The following CD244 variants were observed in gnomAD, a reference collection of about 807,000 sequenced individuals.
CD244 encodes the protein CD244 molecule, also known as natural killer cell receptor 2B4.
In CD244, 20 loss-of-function variants were observed where a neutral mutation model predicts 45.5. That is an observed-to-expected ratio of 0.44 (90% CI 0.31 to 0.64). The LOEUF (loss-of-function observed/expected upper bound fraction) is 0.64, where lower values mean the gene tolerates loss of function less well. Among genes scored for constraint, CD244 ranks in the 30% least tolerant of loss-of-function variants. The probability of loss-of-function intolerance (pLI) is 0.08; values close to 1 mark genes in which losing one functional copy is unlikely to be tolerated. For missense variants in CD244, 407 were observed against 426.9 expected (o/e 0.95, Z 0.41); for synonymous variants, 185 against 160.5 (o/e 1.15, Z -1.15).
chr1:160,835,697 G>A (rs1339413082), intron 6 of CD244, among the ~76,000 whole-genome samples: 1 of 151,390 alleles, frequency 6.6e-6, no homozygotes, highest in Non-Finnish European at 1.5e-5. Flanking sequence ...AAAAACCTAT[G>A]GAAATAAAAA....
chr1:160,843,444 T>C (rs1383307258), intron 1 of CD244, among the ~76,000 whole-genome samples: 1 of 152,198 alleles, frequency 6.6e-6, no homozygotes, highest in Admixed American at 6.5e-5. Context: ...GGAGGACATA[T>C]ACTGTCTTCA....
intron 3 of CD244, among the ~76,000 whole-genome samples, chr1:160,840,772 A>G (rs1669512653): frequency 6.6e-6 from 1 of 152,194 alleles, no homozygotes; most frequent in Non-Finnish European, 1.5e-5. Context: ...GAACTCATCT[A>G]GGTATCCCTG....
chr1:160,838,625 T>C (rs1352779884), intron 4 of CD244, 107 bp from the exon 5 acceptor site: 4 of 829,700 alleles, frequency 4.8e-6, no homozygotes, highest in Non-Finnish European at 8.3e-6. Context: ...TAAAAAAGGT[T>C]CTAGAAAGGA....
At position 160,841,610 on chromosome 1, in the gene CD244, G is replaced by C. The variant is rs764302616; in HGVS notation, c.353C>G (p.Thr118Arg). 2 of 1,614,204 alleles carry C rather than the reference G, an allele frequency of 1.2e-6. No homozygotes were observed. Among genetic ancestry groups the C allele is most frequent in the Non-Finnish European group, 8.5e-7 (1 of 1,180,044 alleles). ...EVTSISGKVQ[T>R]ATFQVFVFDK... ...AAATACAAAAACCTGGAACGTGGCT[G>C]TCTGAACTTTTCCAGATATACTGGT... Residue 118 changes from threonine to arginine, a missense_variant, in exon 2 of 9, where the codon ACA becomes AGA. Transcript: ENST00000368034.
chr1:160,862,881 C>CTGGTCT lies in CD244; in HGVS notation c.-210_-205dup, dbSNP rs1357003676. ...ACTGAGAAAGCCCCAGCGCCTGGAG[C>CTGGTCT]TGGTCTGACAGTTCCCACAAGCCAA... On this transcript the variant is annotated 5_prime_UTR_variant, in exon 1 of 9. Coordinates refer to ENST00000368034, the MANE Select transcript of CD244 (RefSeq NM_016382.4). The CTGGTCT allele has an allele frequency of 8.2e-6, 4 of 489,862 alleles. No individual in the cohort carries two copies. The East Asian group carries it at 1.3e-4, about 15-fold the overall frequency. 30.3% of individuals were successfully genotyped at this position (489,862 alleles called of 1,614,324 possible).
At chr1:160,848,142 G>A (rs775034905) in intron 1 of CD244, 261 of 460,542 alleles carry the variant, frequency 5.7e-4, no homozygotes, top group Middle Eastern at 1.5e-3. Flanking sequence ...AGAGAGAAAT[G>A]ATTTGGTTAC....
chr1:160,851,731 T>G (rs73023905), intron 1 of CD244, among the ~76,000 whole-genome samples: 2 of 152,136 alleles, frequency 1.3e-5, no homozygotes, highest in East Asian at 1.9e-4. Flanking sequence ...TTGGTAGAGA[T>G]AGAGTTTCAC....
Position 160,831,207 on chromosome 1 carries a change from A to G in CD244, c.*140T>C. ...ATGGTTGTTAGACATCATTTTCAAA[A>G]CAAAATATAGAACAAGAACAAATTT... On this transcript the variant is annotated 3_prime_UTR_variant, in exon 9 of 9. Transcript: ENST00000368034. 1 of 667,724 alleles carries G rather than the reference A, an allele frequency of 1.5e-6. No individual in the cohort carries two copies. The highest frequency in any genetic ancestry group is 2.7e-6 in the Non-Finnish European group (1 of 373,430). The allele number at this position is 667,724 out of a possible 1,614,324, so 41.4% of individuals were successfully genotyped here.
At chr1:160,846,193 C>A (rs1669730513) in intron 1 of CD244, among the ~76,000 whole-genome samples, 1 of 152,090 alleles carries the variant, frequency 6.6e-6, no homozygotes, top group Non-Finnish European at 1.5e-5. Context: ...AGTCTTTTAT[C>A]CCTCACTCCC....
intron 1 of CD244, among the ~76,000 whole-genome samples, chr1:160,859,891 A>C (rs1576964): frequency 0.25 from 38,665 of 151,872 alleles, 5,463 homozygotes; most frequent in East Asian, 0.4. Context: ...GTCTGGGTGA[A>C]AGAACCAGAT....
At chr1:160,832,889 C>CATATATATATGTATATATAT (rs1669181780) in intron 7 of CD244, among the ~76,000 whole-genome samples, 1 of 140,110 alleles carries the variant, frequency 7.1e-6, no homozygotes, top group Admixed American at 6.9e-5. Context: ...TATATATATA[C>CATATATATATGTATATATAT]ACACACACAT....
intron 7 of CD244, 89 bp downstream of exon 7, chr1:160,833,933 AGATACACACAATAAAGAACAACTTGCCAG>A (rs1669227769): frequency 1.4e-6 from 1 of 703,400 alleles, no homozygotes; most frequent in Admixed American, 2.2e-5. Flanking sequence ...GAAGCTACTC[AGATACACACAATAAAGAACAACTTGCCAG>A]GATGTGCACA....
chr1:160,837,599 G>C (rs531872408), intron 5 of CD244, among the ~76,000 whole-genome samples: 22 of 152,334 alleles, frequency 1.4e-4, no homozygotes, highest in South Asian at 1.0e-3. Flanking sequence ...GCTGCACAGG[G>C]CCTCACGTAT....
rs369152438 is a variant in CD244, at chr1:160,862,683, C to T, written c.-6G>A. 5.0e-6 allele frequency: 8 copies of T among 1,613,718 alleles called. No individual in the cohort carries two copies. In the African/African-American group the frequency reaches 6.7e-5, roughly 13 times the overall value. Reference sequence around the variant, plus strand: ...GTGACCACTTGCCCCAGCATTTCCACAGGACAGAGGGGCCAGGCCAGCCCC... The same window carrying T: ...GTGACCACTTGCCCCAGCATTTCCATAGGACAGAGGGGCCAGGCCAGCCCC... On this transcript the variant is annotated 5_prime_UTR_variant, in exon 1 of 9. It adds an upstream start codon to the 5' untranslated region. Transcript: ENST00000368034.
chr1:160,862,570 C>T, intron 1 of CD244, 47 bp downstream of exon 1: 2 of 1,558,918 alleles, frequency 1.3e-6, no homozygotes, highest in Non-Finnish European at 1.8e-6. Flanking sequence ...CTGAGGGGCA[C>T]AGCTCCTAGT....
At chr1:160,856,552 G>A (rs1038346172) in intron 1 of CD244, among the ~76,000 whole-genome samples, 1 of 152,110 alleles carries the variant, frequency 6.6e-6, no homozygotes, top group Non-Finnish European at 1.5e-5. Context: ...CTACCTAGAA[G>A]GAATCTTCAT....
intron 1 of CD244, among the ~76,000 whole-genome samples, chr1:160,849,775 C>A (rs1669856834): frequency 6.6e-6 from 1 of 152,142 alleles, no homozygotes; most frequent in Non-Finnish European, 1.5e-5. Flanking sequence ...CCTGTAATCC[C>A]AGCACTTTGG....
At chr1:160,842,816 G>A (rs1669591697) in intron 1 of CD244, among the ~76,000 whole-genome samples, 1 of 152,174 alleles carries the variant, frequency 6.6e-6, no homozygotes, top group Admixed American at 6.5e-5. Context: ...GAAACCTAAT[G>A]AATATGGGGG....
intron 3 of CD244, among the ~76,000 whole-genome samples, chr1:160,839,559 A>G (rs1669460463): frequency 6.6e-6 from 1 of 152,250 alleles, no homozygotes; most frequent in Non-Finnish European, 1.5e-5. Flanking sequence ...CCTAAACAAT[A>G]CAGTATAACA....
Sources: allele counts gnomAD v4.1 joint callset (sites outside exome capture counted in the v4.1 genomes callset), GRCh38; gene constraint gnomAD v4.1.1; transcripts MANE v1.5; gene names NCBI Gene and HGNC (gene_info 2026-07-23, HGNC 2026-07-21).